Variants in PCDHA13 observed in about 807,000 individuals in gnomAD.
The protein encoded by PCDHA13 is protocadherin alpha-13.
PCDHA13 carries 54 observed loss-of-function variants against 64.8 expected under a neutral mutation model. The observed-to-expected ratio is 0.83, with a 90% CI of 0.67 to 1.04. PCDHA13 has a LOEUF of 1.04. Ranked by LOEUF, PCDHA13 falls within the 50% of genes least tolerant of loss-of-function variation. The probability of loss-of-function intolerance (pLI) is 0.00; values close to 1 mark genes in which losing one functional copy is unlikely to be tolerated. For missense variants in PCDHA13, 1,248 were observed against 1,254.3 expected (o/e 0.99, Z 0.08); for synonymous variants, 587 against 564.4 (o/e 1.04, Z -0.57).
intron 1 of PCDHA13, among the ~76,000 whole-genome samples, chr5:140,913,921 C>T (rs782350245): frequency 1.4e-4 from 22 of 152,018 alleles, no homozygotes; most frequent in South Asian, 1.2e-3. Flanking sequence ...AATTTTACTT[C>T]ATTGTGGTCA....
In PCDHA13 at chr5:140,883,952, G is replaced by C. The variant is rs782014250; in HGVS notation, c.1684G>C (p.Ala562Pro). Residue 562 changes from alanine to proline, a missense_variant, in exon 1 of 4, where the codon GCT becomes CCT. Ala to Pro is a conservative substitution (Grantham distance 27). Transcript: ENST00000289272. ...GTTCGTGCTGGACGAGAACGACAAC[G>C]CTCCGGCGCTGCTGACGCCCGGGGC... ...QVFVLDENDN[A>P]PALLTPGAGS... 17 of 1,613,030 alleles carry C rather than the reference G, an allele frequency of 1.1e-5. No individual in the cohort carries two copies. Among genetic ancestry groups the C allele is most frequent in the Non-Finnish European group, 1.4e-5 (16 of 1,179,806 alleles).
At chr5:140,929,821 C>G (rs2086398950) in intron 1 of PCDHA13, 1 of 157,208 alleles carries the variant, frequency 6.4e-6, no homozygotes, top group Non-Finnish European at 1.4e-5. Context: ...AGAAAGGGAA[C>G]ATAAGAGAAC....
intron 1 of PCDHA13, among the ~76,000 whole-genome samples, chr5:140,901,039 A>G (rs1317910770): frequency 4.6e-5 from 7 of 152,086 alleles, no homozygotes; most frequent in Non-Finnish European, 8.8e-5. Flanking sequence ...TCTTTTGCCC[A>G]TTTTAAAATT....
chr5:140,981,924 C>T (rs2096957761), intron 2 of PCDHA13, among the ~76,000 whole-genome samples: 1 of 151,968 alleles, frequency 6.6e-6, no homozygotes, highest in African/African-American at 2.4e-5. Flanking sequence ...TCAAGTTTCT[C>T]TAGTCTCAGG....
intron 1 of PCDHA13, among the ~76,000 whole-genome samples, chr5:140,977,973 A>G (rs1336063493): frequency 4.6e-5 from 7 of 152,178 alleles, no homozygotes; most frequent in Admixed American, 3.9e-4. Flanking sequence ...TCCGCCCATG[A>G]AAACGCATCT....
intron 1 of PCDHA13, among the ~76,000 whole-genome samples, chr5:140,902,149 G>T (rs1471758440): frequency 6.8e-6 from 1 of 147,458 alleles, no homozygotes; most frequent in African/African-American, 2.5e-5. Flanking sequence ...AGGATAATTT[G>T]ATTTCTTCCT....
At chr5:141,002,956 G>C (rs782632089) in intron 3 of PCDHA13, among the ~76,000 whole-genome samples, 6 of 152,230 alleles carry the variant, frequency 3.9e-5, no homozygotes, top group Non-Finnish European at 7.3e-5. Context: ...GCCCCTCTGA[G>C]AGCTTTCCTG....
rs1333457358 is a variant in PCDHA13 at position 140,884,170 on chromosome 5, G to A, written c.1902G>A (p.Thr634=). 1.4e-5 allele frequency: 23 copies of A among 1,613,294 alleles called. No individual in the cohort carries two copies. Among genetic ancestry groups the A allele is most frequent in the Non-Finnish European group, 1.9e-5 (22 of 1,179,740 alleles). The part of the protein sequence containing the change: ...VGLYTGEIST[T]RPLDEVDAPH... ...TGTACACTGGCGAGATCAGCACGAC[G>A]CGCCCTCTGGACGAGGTGGACGCGC... is the stretch of plus-strand genomic sequence containing the variant. The change falls in exon 1 of 4, where the codon ACG becomes ACA. Residue 634 remains threonine (T), a synonymous_variant. Transcript: ENST00000289272.
At chr5:140,961,548 T>G (rs2095620507) in intron 1 of PCDHA13, among the ~76,000 whole-genome samples, 2 of 152,230 alleles carry the variant, frequency 1.3e-5, no homozygotes, top group Non-Finnish European at 2.9e-5. Flanking sequence ...CCTGCAGCAT[T>G]TCTTTTTTTA....
intron 1 of PCDHA13, among the ~76,000 whole-genome samples, chr5:140,943,180 C>T (rs2093431387): frequency 6.7e-6 from 1 of 149,602 alleles, no homozygotes; most frequent in South Asian, 2.1e-4. Context: ...ATCGCTTGAA[C>T]CCTGGAGGTG....
intron 1 of PCDHA13, among the ~76,000 whole-genome samples, chr5:140,977,515 C>T (rs2096764078): frequency 6.6e-6 from 1 of 152,158 alleles, no homozygotes; most frequent in African/African-American, 2.4e-5. Context: ...ATTTTGTGAA[C>T]TTGAAAACAA....
intron 1 of PCDHA13, among the ~76,000 whole-genome samples, chr5:140,955,006 C>G (rs1304080416): frequency 6.6e-6 from 1 of 152,154 alleles, no homozygotes; most frequent in African/African-American, 2.4e-5. Flanking sequence ...AGCCAATTCT[C>G]CCAGCACCAT....
At chr5:140,951,986 C>A (rs2094668313) in intron 1 of PCDHA13, among the ~76,000 whole-genome samples, 2 of 152,166 alleles carry the variant, frequency 1.3e-5, no homozygotes, top group African/African-American at 4.8e-5. Flanking sequence ...AAGGGAAAAA[C>A]CAGCCAAAAG....
chr5:140,952,303 AC>A (rs1554220328), intron 1 of PCDHA13, among the ~76,000 whole-genome samples: 1 of 147,998 alleles, frequency 6.8e-6, no homozygotes, highest in African/African-American at 2.5e-5. Flanking sequence ...CAGCCATTTC[AC>A]TCCAGCCTGG....
At chr5:141,002,020 T>A (rs1380012353) in intron 3 of PCDHA13, among the ~76,000 whole-genome samples, 4 of 152,166 alleles carry the variant, frequency 2.6e-5, no homozygotes, top group Admixed American at 6.5e-5. Flanking sequence ...TGCACAGCCT[T>A]CGGTGCCCTG....
intron 1 of PCDHA13, among the ~76,000 whole-genome samples, chr5:140,973,163 G>A (rs1473284872): frequency 1.3e-5 from 2 of 152,166 alleles, no homozygotes; most frequent in African/African-American, 4.8e-5. Context: ...GCAATTTGTA[G>A]TCACCAAACC....
intron 3 of PCDHA13, among the ~76,000 whole-genome samples, chr5:140,998,936 A>G (rs1328813980): frequency 6.6e-5 from 10 of 152,246 alleles, no homozygotes; most frequent in African/African-American, 2.4e-4. Flanking sequence ...TTACAGATGA[A>G]GAAACTGTAA....
intron 1 of PCDHA13, among the ~76,000 whole-genome samples, chr5:140,942,616 T>C (rs2093340049): frequency 1.0e-5 from 1 of 99,878 alleles, no homozygotes. Context: ...TATTTGCCAA[T>C]TGTAAAAAAA....
chr5:140,924,064 G>A (rs1584331926), intron 1 of PCDHA13, among the ~76,000 whole-genome samples: 1 of 152,172 alleles, frequency 6.6e-6, no homozygotes. Context: ...CTTTACAGTT[G>A]TATTTCATCT....
Sources: allele counts gnomAD v4.1 joint callset (sites outside exome capture counted in the v4.1 genomes callset), GRCh38; gene constraint gnomAD v4.1.1; transcripts MANE v1.5; gene names NCBI Gene and HGNC (gene_info 2026-07-23, HGNC 2026-07-21).